Variants in DLGAP2 observed in about 807,000 individuals in gnomAD.
DLGAP2 encodes the protein DLG associated protein 2.
A neutral mutation model predicts 100.3 loss-of-function variants in DLGAP2; 26 were observed. The ratio of observed to expected loss-of-function variants is 0.26; its 90% CI spans 0.19 to 0.36. The LOEUF is 0.36. Ranked by LOEUF, DLGAP2 falls within the 10% of genes least tolerant of loss-of-function variation. The pLI is 1.00. For synonymous variants in DLGAP2, 886 were observed against 630.1 expected, an observed-to-expected ratio of 1.41 and a Z score of -6.08; for missense variants, 1,858 against 1,453.2, an observed-to-expected ratio of 1.28 and a Z score of -4.53.
chr8:1,356,844 A>T (rs879350371), intron 3 of DLGAP2, among the ~76,000 whole-genome samples: 14 of 152,326 alleles, frequency 9.2e-5, no homozygotes, highest in Admixed American at 3.3e-4. Flanking sequence ...CACTACAGTA[A>T]GGATAACAGC....
intron 3 of DLGAP2, among the ~76,000 whole-genome samples, chr8:1,414,663 C>T (rs1796828931): frequency 6.7e-6 from 1 of 148,378 alleles, no homozygotes; most frequent in South Asian, 2.2e-4. Context: ...GTCCAGGCGT[C>T]CTCTGCCCTC....
At chr8:1,640,906 A>T (rs1052515087) in intron 8 of DLGAP2, among the ~76,000 whole-genome samples, 4 of 152,244 alleles carry the variant, frequency 2.6e-5, no homozygotes, top group Non-Finnish European at 4.4e-5. Context: ...TATGTACTTT[A>T]TCCGTTGTGC....
chr8:1,133,597 A>T (rs1174883475), intron 2 of DLGAP2, among the ~76,000 whole-genome samples: 1 of 152,210 alleles, frequency 6.6e-6, no homozygotes, highest in Non-Finnish European at 1.5e-5. Flanking sequence ...CCTGGACACA[A>T]ACACTTTGCT....
At chr8:1,445,424 A>G (rs1041872142) in intron 3 of DLGAP2, among the ~76,000 whole-genome samples, 2 of 151,140 alleles carry the variant, frequency 1.3e-5, no homozygotes, top group African/African-American at 4.9e-5. Flanking sequence ...TGAACTCTTC[A>G]TTTTTTATGG....
At chr8:1,162,797 G>A (rs1208284533) in intron 2 of DLGAP2, among the ~76,000 whole-genome samples, 1 of 152,232 alleles carries the variant, frequency 6.6e-6, no homozygotes, top group East Asian at 1.9e-4. Flanking sequence ...CGCTGTGGCC[G>A]CCAAACGGCC....
At chr8:912,826 C>T (rs1798515311) in intron 2 of DLGAP2, among the ~76,000 whole-genome samples, 1 of 148,632 alleles carries the variant, frequency 6.7e-6, no homozygotes, top group Non-Finnish European at 1.5e-5. Context: ...CCACAGTGTC[C>T]ATCTTCCTCT....
rs374298158 is a variant in DLGAP2 at position 892,351 on chromosome 8, C to G, written c.19-15561C>G. Among the ~76,000 whole-genome samples, 11 of 152,162 alleles carry G rather than the reference C, an allele frequency of 7.2e-5. No individual in the cohort carries two copies. The South Asian group carries it at 1.2e-3, about 17-fold the overall frequency. ...GTGAAGAGCGGCCCATCCACACAGC[C>G]GAACATGAGTCAGCCTCAAAGAGGA... On this transcript the variant is annotated intron_variant, in intron 1 of 14. Transcript: ENST00000637795.
intron 3 of DLGAP2, among the ~76,000 whole-genome samples, chr8:1,326,743 T>G (rs543927616): frequency 6.6e-6 from 1 of 152,234 alleles, no homozygotes; most frequent in African/African-American, 2.4e-5. Flanking sequence ...AGTTTCTTCT[T>G]CCTGTTTTTC....
At chr8:811,876 C>T (rs1041254978) in intron 1 of DLGAP2, among the ~76,000 whole-genome samples, 1 of 152,278 alleles carries the variant, frequency 6.6e-6, no homozygotes, top group Non-Finnish European at 1.5e-5. Context: ...CTCTGAGGCT[C>T]TGCACTTTGC....
intron 2 of DLGAP2, among the ~76,000 whole-genome samples, chr8:1,162,356 A>G (rs1352389553): frequency 6.6e-6 from 1 of 152,216 alleles, no homozygotes; most frequent in Non-Finnish European, 1.5e-5. Context: ...GGCTGAAACA[A>G]CACACACTGG....
chr8:1,291,620 A>G (rs991504958), intron 3 of DLGAP2, among the ~76,000 whole-genome samples: 1 of 152,154 alleles, frequency 6.6e-6, no homozygotes, highest in Non-Finnish European at 1.5e-5. Context: ...TCCTATCTTT[A>G]AAATTACGGG....
chr8:1,493,262 G>A (rs770455529), intron 3 of DLGAP2, among the ~76,000 whole-genome samples: 2 of 151,828 alleles, frequency 1.3e-5, no homozygotes, highest in Non-Finnish European at 2.9e-5. Context: ...TTTCATCTCC[G>A]CAGCTCTGAG....
intron 6 of DLGAP2, among the ~76,000 whole-genome samples, chr8:1,593,949 C>T (rs191671620): frequency 2.6e-5 from 4 of 152,350 alleles, no homozygotes; most frequent in African/African-American, 7.2e-5. Context: ...CCAAGCCTTC[C>T]AGTCTTGGAG....
intron 3 of DLGAP2, among the ~76,000 whole-genome samples, chr8:1,298,794 T>G (rs982788441): frequency 1.3e-5 from 2 of 152,206 alleles, no homozygotes; most frequent in Non-Finnish European, 2.9e-5. Flanking sequence ...AAGATCGTCT[T>G]GAGAGGCAAT....
chr8:1,392,023 A>G (rs1188937333), intron 3 of DLGAP2, among the ~76,000 whole-genome samples: 2 of 152,210 alleles, frequency 1.3e-5, no homozygotes, highest in African/African-American at 4.8e-5. Context: ...GAACTGTTTG[A>G]ATCGCCTTAT....
At chr8:1,572,615 G>C (rs1802774897) in intron 6 of DLGAP2, among the ~76,000 whole-genome samples, 1 of 135,208 alleles carries the variant, frequency 7.4e-6, no homozygotes, top group African/African-American at 2.8e-5. Context: ...AGGGTGAACT[G>C]TGGGGGCGAC....
rs1347901287 is a variant in DLGAP2, at chr8:927,917, A to T, written c.73+19951A>T. The stretch of plus-strand genomic sequence containing the variant: ...CACACAGATGCACAAGTTCCCCTGA[A>T]GGGGCAGAGCAGTGCCAGGCCCATC... On this transcript the variant is annotated intron_variant, in intron 2 of 14. Transcript: ENST00000637795. Among the ~76,000 whole-genome samples, 8 of 152,366 alleles carry T rather than the reference A, an allele frequency of 5.3e-5. No homozygotes were observed. The South Asian group carries it at 1.4e-3, about 28-fold the overall frequency.
rs76893000 is a variant in DLGAP2 at position 1,364,962 on chromosome 8, C to T, written c.106+106079C>T. On this transcript the variant is annotated intron_variant, in intron 3 of 14. Transcript: ENST00000637795. ...CCTTCCTCAGAGACTGGGCACAGGG[C>T]CCCACTCCCTCCATGCCTGTGTTCA... 1.1e-3 allele frequency among the ~76,000 whole-genome samples: 171 copies of T among 152,264 alleles called. 2 individuals carry two copies. In the East Asian group the frequency reaches 0.029, roughly 26 times the overall value.
intron 1 of DLGAP2, among the ~76,000 whole-genome samples, chr8:801,680 T>C (rs1258712957): frequency 1.3e-5 from 2 of 152,156 alleles, no homozygotes; most frequent in African/African-American, 4.8e-5. Context: ...CTTCCTGTGA[T>C]GAGTGGCTGT....
Sources: gnomAD v4.1 joint callset for allele counts (sites outside exome capture counted in the v4.1 genomes callset) on GRCh38, gnomAD v4.1.1 for gene constraint, MANE v1.5 for transcripts, NCBI Gene and HGNC (gene_info 2026-07-23, HGNC 2026-07-21) for gene names.